The following NAA30 variants were observed in gnomAD, a reference collection of about 807,000 sequenced individuals.
NAA30 encodes the protein N-alpha-acetyltransferase 30.
NAA30 carries 5 observed loss-of-function variants against 31.4 expected under a neutral mutation model. The ratio of observed to expected loss-of-function variants is 0.16; its 90% CI spans 0.08 to 0.33. The LOEUF is 0.33. Among genes scored for constraint, NAA30 ranks in the 10% least tolerant of loss-of-function variants. NAA30 has a pLI of 1.00. For missense variants in NAA30, 428 were observed against 490.8 expected (o/e 0.87, Z 1.21); for synonymous variants, 222 against 207.1 (o/e 1.07, Z -0.62).
rs1184792477 is a variant in NAA30, at chr14:57,415,211, C to T, written c.*5695C>T. Reference sequence around the variant, plus strand: ...TTATTGGATGTGTTACATAGTAAATCAATTTGAAATTTCTTAAAAACGTTT... The same window carrying T: ...TTATTGGATGTGTTACATAGTAAATTAATTTGAAATTTCTTAAAAACGTTT... On this transcript the variant is annotated 3_prime_UTR_variant, in exon 5 of 5. Coordinates refer to ENST00000556492, the MANE Select transcript of NAA30 (RefSeq NM_001011713.3). 2 of 152,070 alleles carry T rather than the reference C, an allele frequency of 1.3e-5. No individual in the cohort carries two copies. The highest frequency in any genetic ancestry group is 2.1e-4 in the South Asian group (1 of 4,824). The allele number at this position is 152,070 out of a possible 1,614,324, so 9.4% of individuals were successfully genotyped here. A position where few individuals can be genotyped will look rare whatever the true frequency, so the allele number is the denominator to read the frequency against.
chr14:57,391,718 T>A lies in NAA30; in HGVS notation c.761T>A (p.Leu254Gln). ...TATTTTATCCACAACTGGCCACAGC[T>A]GTGCTTCTTGGTAAGTGGATAGAAT... ...YRYFIHNWPQ[L>Q]CFLAMVGEEC... The change falls in exon 2 of 5, where the codon CTG (leucine) becomes CAG (glutamine). Residue 254 changes from leucine to glutamine, a missense_variant. By Grantham distance (113) the Leu-to-Gln change is moderately radical (BLOSUM62 -2). This residue lies in a region of NAA30 where 79 missense variants were observed against 180.3 expected (regional missense o/e 0.44). Transcript: ENST00000556492. The surrounding 1 kb of genome is among the most constrained non-coding windows in gnomAD (Gnocchi z 4.1). 6.2e-7 allele frequency: 1 copy of A among 1,604,204 alleles called. No individual in the cohort carries two copies. Among genetic ancestry groups the A allele is most frequent in the Admixed American group, 1.7e-5 (1 of 59,332 alleles).
chr14:57,414,577 G>A lies in NAA30; in HGVS notation c.*5061G>A, dbSNP rs1709062735. On this transcript the variant is annotated 3_prime_UTR_variant, in exon 5 of 5. Transcript: ENST00000556492. ...GATTGGTCATCTCATGAGTGGTCAA[G>A]TTGGAACATGGAGGTCTATCATGTT... 1 of 152,216 alleles carries A rather than the reference G, an allele frequency of 6.6e-6. No homozygotes were observed. Among genetic ancestry groups the A allele is most frequent in the African/African-American group, 2.4e-5 (1 of 41,446 alleles). The allele number at this position is 152,216 out of a possible 1,614,324, so 9.4% of individuals were successfully genotyped here. A position where few individuals can be genotyped will look rare whatever the true frequency, so the allele number is the denominator to read the frequency against.
In NAA30 at chr14:57,396,813, T is replaced by C; in HGVS notation, c.833T>C (p.Met278Thr). The C allele has an allele frequency of 1.9e-6, 3 of 1,614,136 alleles. No individual in the cohort carries two copies. Among genetic ancestry groups the C allele is most frequent in the Non-Finnish European group, 2.5e-6 (3 of 1,179,988 alleles). ...TGCAAGTTGGATATGCACAAAAAGA[T>C]GTTCCGCAGAGGTTATATAGCCATG... Reference protein sequence around the residue: ...IVCKLDMHKKMFRRGYIAMLA... With the variant: ...IVCKLDMHKKTFRRGYIAMLA... Residue 278 changes from methionine to threonine, a missense_variant, in exon 3 of 5, where the codon ATG becomes ACG. By Grantham distance (81) the Met-to-Thr change is moderately conservative. This residue lies in a region of NAA30 where 79 missense variants were observed against 180.3 expected (regional missense o/e 0.44). Coordinates refer to ENST00000556492, the MANE Select transcript of NAA30 (RefSeq NM_001011713.3).
intron 3 of NAA30, among the ~76,000 whole-genome samples, chr14:57,397,805 A>G (rs894484667): frequency 6.6e-6 from 1 of 152,186 alleles, no homozygotes; most frequent in African/African-American, 2.4e-5. Context: ...GGCACCTGTC[A>G]TCCCAGCTAC....
chr14:57,402,937 T>G (rs986065123), intron 4 of NAA30, among the ~76,000 whole-genome samples: 1 of 152,204 alleles, frequency 6.6e-6, no homozygotes, highest in Admixed American at 6.5e-5. Flanking sequence ...TCCCAGCACT[T>G]TGGGAGTCCA....
At position 57,390,939 on chromosome 14, in the gene NAA30, G is replaced by A; in HGVS notation, c.-1-18G>A. 7.5e-6 allele frequency: 11 copies of A among 1,462,962 alleles called. No homozygotes were observed. Among genetic ancestry groups the A allele is most frequent in the Non-Finnish European group, 9.9e-6 (11 of 1,112,136 alleles). The allele number at this position is 1,462,962 out of a possible 1,614,324, so 90.6% of individuals were successfully genotyped here. Reference sequence around the variant, plus strand: ...GCCGGGTTTCATGGCCTCCCCTCTCGGTCTGTGTCGCTTCTAGGATGGCGG... The same window carrying A: ...GCCGGGTTTCATGGCCTCCCCTCTCAGTCTGTGTCGCTTCTAGGATGGCGG... On this transcript the variant is annotated intron_variant, in intron 1 of 4. Transcript: ENST00000556492.
chr14:57,394,396 TAA>T (rs1022987640), intron 2 of NAA30, among the ~76,000 whole-genome samples: 45 of 152,296 alleles, frequency 3.0e-4, no homozygotes, highest in African/African-American at 9.6e-4. Context: ...CTTGTAGTGT[TAA>T]GTCTTAATCT....
chr14:57,407,873 G>T (rs1395577343), intron 4 of NAA30, among the ~76,000 whole-genome samples: 5 of 152,132 alleles, frequency 3.3e-5, no homozygotes, highest in African/African-American at 1.2e-4. Flanking sequence ...ATCGAGCATA[G>T]AAAGAAGAGG....
At chr14:57,408,038 TGAG>T (rs1197865143) in intron 4 of NAA30, among the ~76,000 whole-genome samples, 2 of 152,092 alleles carry the variant, frequency 1.3e-5, no homozygotes, top group Non-Finnish European at 2.9e-5. Context: ...GATATGGAAT[TGAG>T]GAGGAAGAGC....
At chr14:57,402,059 T>C (rs2139763029) in intron 4 of NAA30, among the ~76,000 whole-genome samples, 2 of 152,336 alleles carry the variant, frequency 1.3e-5, no homozygotes, top group Non-Finnish European at 2.9e-5. Flanking sequence ...AACTTTGTCT[T>C]GGTATAAAAA....
intron 3 of NAA30, among the ~76,000 whole-genome samples, chr14:57,397,316 T>TA (rs2066454873): frequency 6.6e-6 from 1 of 152,234 alleles, no homozygotes; most frequent in Non-Finnish European, 1.5e-5. Context: ...AGTCATCAAC[T>TA]ATATATTGCA....
At position 57,391,348 on chromosome 14, in the gene NAA30, G is replaced by A. The variant is rs773952327; in HGVS notation, c.391G>A (p.Gly131Arg). 2 of 1,611,974 alleles carry A rather than the reference G, an allele frequency of 1.2e-6. No individual in the cohort carries two copies. Among genetic ancestry groups the A allele is most frequent in the Admixed American group, 1.7e-5 (1 of 59,892 alleles). Reference protein sequence around the residue: ...GPRATATKGAGVHSGERPPHS... With the variant: ...GPRATATKGARVHSGERPPHS... ...CAGAGCGACTGCAACAAAAGGAGCC[G>A]GGGTACACTCGGGCGAGAGGCCCCC... Residue 131 changes from glycine to arginine, a missense_variant, in exon 2 of 5, where the codon GGG becomes AGG. This residue lies in a region of NAA30 where 349 missense variants were observed against 310.4 expected (regional missense o/e 1.12). Coordinates refer to ENST00000556492, the MANE Select transcript of NAA30 (RefSeq NM_001011713.3). This position sits in a 1 kb window ranked among gnomAD's most constrained non-coding sequence, Gnocchi z 4.1.
rs574916457 is a variant in NAA30 at position 57,410,038 on chromosome 14, G to A, written c.*522G>A. On this transcript the variant is annotated 3_prime_UTR_variant, in exon 5 of 5. Coordinates refer to ENST00000556492, the MANE Select transcript of NAA30 (RefSeq NM_001011713.3). ...TGATTAGTGAATGAAAAAAATGTAGGGTGGGTATGTCTTACAATGAGTAAA... is the reference window on the plus strand; with the variant it reads ...TGATTAGTGAATGAAAAAAATGTAGAGTGGGTATGTCTTACAATGAGTAAA... 2 of 152,608 alleles carry A rather than the reference G, an allele frequency of 1.3e-5. No individual in the cohort carries two copies. Among genetic ancestry groups the A allele is most frequent in the East Asian group, 3.9e-4 (2 of 5,192 alleles). 9.5% of individuals were successfully genotyped at this position (152,608 alleles called of 1,614,324 possible).
At position 57,391,105 on chromosome 14, in the gene NAA30, G is replaced by C. The variant is rs1410488831; in HGVS notation, c.148G>C (p.Gly50Arg). ...CGAGGAGGACGACGAAGAGCACGAAGGCGGCGGCAGCAGGAGCCCGGCGGG... is the reference window on the plus strand; with the variant it reads ...CGAGGAGGACGACGAAGAGCACGAACGCGGCGGCAGCAGGAGCCCGGCGGG... ...EDEEDDEEHEGGGSRSPAGGE... is the reference protein window; with the variant it reads ...EDEEDDEEHERGGSRSPAGGE... Residue 50 changes from glycine to arginine, a missense_variant, in exon 2 of 5, where the codon GGC (glycine) becomes CGC (arginine). By Grantham distance (125) the Gly-to-Arg change is moderately radical. Coordinates refer to ENST00000556492, the MANE Select transcript of NAA30 (RefSeq NM_001011713.3). This position sits in a 1 kb window ranked among gnomAD's most constrained non-coding sequence, Gnocchi z 4.1. 6.4e-7 allele frequency: 1 copy of C among 1,572,378 alleles called. No homozygotes were observed. Among genetic ancestry groups the C allele is most frequent in the East Asian group, 2.3e-5 (1 of 44,016 alleles).
At chr14:57,398,282 A>G (rs868205392) in intron 3 of NAA30, among the ~76,000 whole-genome samples, 10 of 152,046 alleles carry the variant, frequency 6.6e-5, no homozygotes, top group African/African-American at 2.4e-4. Flanking sequence ...TGAGCCTTTG[A>G]TGCATTAAAA....
At position 57,391,522 on chromosome 14, in the gene NAA30, T is replaced by A. The variant is rs904203054; in HGVS notation, c.565T>A (p.Ser189Thr). Residue 189 changes from serine to threonine, a missense_variant, in exon 2 of 5, where the codon TCG becomes ACG. Physicochemically the swap from Ser to Thr is moderately conservative, Grantham distance 58. Transcript: ENST00000556492. The surrounding 1 kb of genome is among the most constrained non-coding windows in gnomAD (Gnocchi z 4.1). ...EEDEQVRLLS[S>T]SLTADCSLRS... ...AGACGAGCAGGTGCGGCTGCTGTCT[T>A]CGTCCCTGACCGCCGACTGCAGCTT... The A allele has an allele frequency of 1.2e-6, 2 of 1,613,642 alleles. No individual in the cohort carries two copies. Among genetic ancestry groups the A allele is most frequent in the Non-Finnish European group, 1.7e-6 (2 of 1,179,976 alleles).
In NAA30 at chr14:57,390,999, A is replaced by G; in HGVS notation, c.42A>G (p.Pro14=). The stretch of plus-strand genomic sequence containing the variant: ...CTGGGCCTAGCAGCCTCCTCCCACC[A>G]CCAGCACCTCCGGCCCCGGCGGCGG... ...VPPGPSSLLP[P]PAPPAPAAVE... Residue 14 remains proline (P), a synonymous_variant, in exon 2 of 5, where the codon CCA becomes CCG. Coordinates refer to ENST00000556492, the MANE Select transcript of NAA30 (RefSeq NM_001011713.3). 1 of 1,496,692 alleles carries G rather than the reference A, an allele frequency of 6.7e-7. No homozygotes were observed. Among genetic ancestry groups the G allele is most frequent in the Non-Finnish European group, 8.8e-7 (1 of 1,131,322 alleles). The allele number at this position is 1,496,692 out of a possible 1,614,324, so 92.7% of individuals were successfully genotyped here.
At chr14:57,395,687 G>A (rs2066447421) in intron 2 of NAA30, among the ~76,000 whole-genome samples, 1 of 152,052 alleles carries the variant, frequency 6.6e-6, no homozygotes, top group Non-Finnish European at 1.5e-5. Context: ...TATTAAAATA[G>A]AAATTTCTGT....
chr14:57,399,176 A>G (rs8011707), intron 3 of NAA30, among the ~76,000 whole-genome samples: 110,144 of 152,198 alleles, frequency 0.72, 45,078 homozygotes, highest in Non-Finnish European at 0.89. Context: ...GAGTTTTTAA[A>G]TAAAATTTGT....
Sources: allele counts gnomAD v4.1 joint callset (sites outside exome capture counted in the v4.1 genomes callset), GRCh38; gene constraint gnomAD v4.1.1; regional missense constraint gnomAD v4.1.1; non-coding constraint Gnocchi (gnomAD v3.1); transcripts MANE v1.5; gene names NCBI Gene and HGNC (gene_info 2026-07-23, HGNC 2026-07-21).